Variants in GRIP1 observed in about 807,000 individuals in gnomAD.
GRIP1 encodes the protein glutamate receptor interacting protein 1, also known as glutamate receptor-interacting protein 1.
A neutral mutation model predicts 129.9 loss-of-function variants in GRIP1; 45 were observed. That is an observed-to-expected ratio of 0.35 (90% CI 0.27 to 0.44). The LOEUF is 0.44. Among genes scored for constraint, GRIP1 ranks in the 20% least tolerant of loss-of-function variants. GRIP1 has a pLI of 1.00. For missense variants in GRIP1, 1,196 were observed against 1,396.8 expected, an observed-to-expected ratio of 0.86 and a Z score of 2.29; for synonymous variants, 530 against 520.8, an observed-to-expected ratio of 1.02 and a Z score of -0.24.
intron 5 of GRIP1, among the ~76,000 whole-genome samples, chr12:66,526,740 G>T (rs1369279809): frequency 5.3e-5 from 8 of 151,858 alleles, no homozygotes; most frequent in Non-Finnish European, 1.2e-4. Context: ...GAGTGAACAG[G>T]CAACCTACAG....
chr12:66,891,813 T>C (rs977538583), intron 1 of GRIP1: 3 of 152,128 alleles, frequency 2.0e-5, no homozygotes, highest in Non-Finnish European at 4.4e-5. Context: ...TCTTCCCCTA[T>C]AAGGAGGAAA....
intron 1 of GRIP1, among the ~76,000 whole-genome samples, chr12:66,654,949 C>G (rs1399586585): frequency 6.6e-6 from 1 of 152,138 alleles, no homozygotes; most frequent in East Asian, 1.9e-4. Context: ...CTAATTTAGT[C>G]ATGCTGTTTT....
intron 15 of GRIP1, among the ~76,000 whole-genome samples, chr12:66,411,929 A>G (rs2057416946): frequency 6.6e-6 from 1 of 152,272 alleles, no homozygotes; most frequent in African/African-American, 2.4e-5. Flanking sequence ...ACAAGAATAG[A>G]GAAAAGAGAA....
chr12:66,529,399 C>A (rs2061370170), intron 5 of GRIP1, among the ~76,000 whole-genome samples: 1 of 152,164 alleles, frequency 6.6e-6, no homozygotes. Flanking sequence ...AAATACCCAT[C>A]AATCAACTAG....
At chr12:66,575,610 C>G (rs1231873879) in intron 2 of GRIP1, among the ~76,000 whole-genome samples, 1 of 152,148 alleles carries the variant, frequency 6.6e-6, no homozygotes, top group Non-Finnish European at 1.5e-5. Context: ...AAGAATAGAT[C>G]CTGGATAGGC....
chr12:66,435,215 T>TC (rs990766129), intron 13 of GRIP1, among the ~76,000 whole-genome samples: 8 of 151,636 alleles, frequency 5.3e-5, no homozygotes, highest in African/African-American at 1.7e-4. Context: ...TTTTTTTTTT[T>TC]TTTGGAGACT....
intron 7 of GRIP1, among the ~76,000 whole-genome samples, chr12:66,487,657 G>C (rs1477877637): frequency 6.6e-6 from 1 of 152,042 alleles, no homozygotes; most frequent in Non-Finnish European, 1.5e-5. Context: ...ATGTAAACAG[G>C]ATAATGCCCC....
At chr12:66,482,439 A>G (rs2059832562) in intron 7 of GRIP1, among the ~76,000 whole-genome samples, 1 of 152,210 alleles carries the variant, frequency 6.6e-6, no homozygotes. Flanking sequence ...ACTGTTTTCC[A>G]GCATTATCCA....
intron 1 of GRIP1, among the ~76,000 whole-genome samples, chr12:66,655,179 T>A (rs1871726710): frequency 6.6e-6 from 1 of 152,226 alleles, no homozygotes; most frequent in South Asian, 2.1e-4. Flanking sequence ...AGGCAACCAC[T>A]ATCCCCAAAT....
At chr12:66,642,899 G>A (rs991424481) in intron 1 of GRIP1, among the ~76,000 whole-genome samples, 1 of 152,162 alleles carries the variant, frequency 6.6e-6, no homozygotes, top group Non-Finnish European at 1.5e-5. Flanking sequence ...GAGAACTCAG[G>A]TTATTACAAG....
chr12:66,841,627 T>C (rs2039718212), intron 1 of GRIP1, among the ~76,000 whole-genome samples: 1 of 152,192 alleles, frequency 6.6e-6, no homozygotes, highest in Non-Finnish European at 1.5e-5. Flanking sequence ...GTCTCCTGCC[T>C]TTGTAAGCTG....
intron 9 of GRIP1, among the ~76,000 whole-genome samples, 196 bp from the exon 10 acceptor site, chr12:66,456,538 A>G (rs561838874): frequency 6.2e-4 from 95 of 152,316 alleles, no homozygotes; most frequent in African/African-American, 2.2e-3. Flanking sequence ...TAAAGGATGT[A>G]AACTTTTCAT....
upstream of GRIP1, among the ~76,000 whole-genome samples, chr12:66,680,820 C>T (rs1350549725): frequency 1.3e-5 from 2 of 152,076 alleles, no homozygotes; most frequent in African/African-American, 4.8e-5. Context: ...TGTGGAACAC[C>T]ACCACCCCAG....
At chr12:67,068,281 G>A (rs1247510847) in intron 1 of GRIP1, among the ~76,000 whole-genome samples, 1 of 152,204 alleles carries the variant, frequency 6.6e-6, no homozygotes, top group Non-Finnish European at 1.5e-5. Context: ...CAGCACACTT[G>A]TCAAGCTGAA....
intron 1 of GRIP1, among the ~76,000 whole-genome samples, chr12:66,616,277 T>C (rs1318449358): frequency 2.0e-5 from 3 of 152,210 alleles, no homozygotes; most frequent in Non-Finnish European, 4.4e-5. Flanking sequence ...AAAAAAATAC[T>C]GAAATGGTGT....
intron 1 of GRIP1, among the ~76,000 whole-genome samples, chr12:66,901,980 G>A (rs12424829): frequency 0.047 from 7,196 of 152,308 alleles, 302 homozygotes; most frequent in East Asian, 0.16. Flanking sequence ...TTCAGATCAT[G>A]TGCATATGGG....
At chr12:67,017,540 A>G (rs184991669) in intron 1 of GRIP1, among the ~76,000 whole-genome samples, 35 of 152,026 alleles carry the variant, frequency 2.3e-4, no homozygotes, top group Admixed American at 3.9e-4. Flanking sequence ...GGTGGCTGCA[A>G]ATGACTTTCC....
chr12:66,722,725 C>T (rs565716177), intron 1 of GRIP1, among the ~76,000 whole-genome samples: 11 of 152,090 alleles, frequency 7.2e-5, no homozygotes, highest in Non-Finnish European at 1.5e-4. Flanking sequence ...CTGGAAAAGA[C>T]AATCAAAATA....
At chr12:66,899,004 G>A (rs2040799267) in intron 1 of GRIP1, among the ~76,000 whole-genome samples, 1 of 152,138 alleles carries the variant, frequency 6.6e-6, no homozygotes, top group Non-Finnish European at 1.5e-5. Context: ...CTTACAGCAG[G>A]GGCATGTAGC....
Sources: allele counts gnomAD v4.1 joint callset (sites outside exome capture counted in the v4.1 genomes callset), GRCh38; gene constraint gnomAD v4.1.1; transcripts MANE v1.5; gene names NCBI Gene and HGNC (gene_info 2026-07-23, HGNC 2026-07-21).